The following CCT5 variants were observed in gnomAD, a reference collection of about 807,000 sequenced individuals.
CCT5 encodes the protein chaperonin containing TCP1 subunit 5, also known as T-complex protein 1 subunit epsilon.
CCT5 carries 6 observed loss-of-function variants against 55.0 expected under a neutral mutation model. The ratio of observed to expected loss-of-function variants is 0.11; its 90% CI spans 0.06 to 0.22. CCT5 has a LOEUF of 0.22. CCT5 is among the 10% of genes least tolerant of loss of function. The pLI is 1.00. For missense variants in CCT5, 560 were observed against 694.6 expected, an observed-to-expected ratio of 0.81 and a Z score of 2.18; for synonymous variants, 231 against 243.7, an observed-to-expected ratio of 0.95 and a Z score of 0.49.
intron 4 of CCT5, 130 bp from the exon 5 acceptor site, chr5:10,257,981 A>T: frequency 2.1e-6 from 2 of 948,106 alleles, no homozygotes; most frequent in Non-Finnish European, 1.7e-6. Context: ...GCAGGTTGAG[A>T]TGGCATTCCC....
At position 10,254,131 on chromosome 5, in the gene CCT5, G is replaced by A. The variant is rs1401457439; in HGVS notation, c.106-14G>A. Reference sequence around the variant, plus strand: ...ATATGTAACAGTGTTTGCTTTTTCTGTTTGTTTCATTAGTCTCATATAATG... The same window carrying A: ...ATATGTAACAGTGTTTGCTTTTTCTATTTGTTTCATTAGTCTCATATAATG... On this transcript the variant is annotated splice_polypyrimidine_tract_variant and intron_variant, in intron 1 of 10. Coordinates refer to ENST00000280326, the MANE Select transcript of CCT5 (RefSeq NM_012073.5). The A allele has an allele frequency of 6.3e-7, 1 of 1,587,278 alleles. No homozygotes were observed. Among genetic ancestry groups the A allele is most frequent in the East Asian group, 2.2e-5 (1 of 44,732 alleles).
intron 1 of CCT5, among the ~76,000 whole-genome samples, chr5:10,251,706 T>A (rs964945867): frequency 6.6e-6 from 1 of 152,232 alleles, no homozygotes; most frequent in Non-Finnish European, 1.5e-5. Flanking sequence ...TTAGAGGGGC[T>A]GCACAGTGGT....
rs929706121 is a variant in CCT5 at position 10,265,467 on chromosome 5, T to C, written c.*684T>C. On this transcript the variant is annotated 3_prime_UTR_variant, in exon 11 of 11. Transcript: ENST00000280326. ...TTGTTTCCCTATCAGAGGGACACAG[T>C]GAAGTGGAGGTTAAAGTAAATTACA... is the stretch of plus-strand genomic sequence containing the variant. 1 of 152,228 alleles carries C rather than the reference T, an allele frequency of 6.6e-6. No individual in the cohort carries two copies. The highest frequency in any genetic ancestry group is 1.5e-5 in the Non-Finnish European group (1 of 68,120). The allele number at this position is 152,228 out of a possible 1,614,324, so 9.4% of individuals were successfully genotyped here. A position where few individuals can be genotyped will look rare whatever the true frequency, so the allele number is the denominator to read the frequency against.
In CCT5 at chr5:10,265,775, T is replaced by C. The variant is rs1200024004; in HGVS notation, c.*992T>C. 2.0e-4 allele frequency: 3 copies of C among 14,892 alleles called. No individual in the cohort carries two copies. The Admixed American group carries it at 4.8e-3, about 24-fold the overall frequency. 0.9% of individuals were successfully genotyped at this position (14,892 alleles called of 1,614,324 possible). A position where few individuals can be genotyped will look rare whatever the true frequency, so the allele number is the denominator to read the frequency against. On this transcript the variant is annotated 3_prime_UTR_variant, in exon 11 of 11. Transcript: ENST00000280326. ...CAGAGTGGCCCAGCTCATCCCCTAC[T>C]CTGTTATTTGCTTGTTAATGATTCT... is the stretch of plus-strand genomic sequence containing the variant.
Position 10,265,774 on chromosome 5 carries a change from C to CTCTGT in CCT5, c.*993_*997dup, listed in dbSNP as rs112586209. 6.6e-6 allele frequency: 1 copy of CTCTGT among 151,326 alleles called. No homozygotes were observed. Among genetic ancestry groups the CTCTGT allele is most frequent in the East Asian group, 1.9e-4 (1 of 5,132 alleles). 9.4% of individuals were successfully genotyped at this position (151,326 alleles called of 1,614,324 possible). A position where few individuals can be genotyped will look rare whatever the true frequency, so the allele number is the denominator to read the frequency against. On this transcript the variant is annotated 3_prime_UTR_variant, in exon 11 of 11. Coordinates refer to ENST00000280326, the MANE Select transcript of CCT5 (RefSeq NM_012073.5). Reference sequence around the variant, plus strand: ...CCAGAGTGGCCCAGCTCATCCCCTACTCTGTTATTTGCTTGTTAATGATTC... The same window carrying CTCTGT: ...CCAGAGTGGCCCAGCTCATCCCCTACTCTGTTCTGTTATTTGCTTGTTAATGATTC...
At chr5:10,252,492 G>A (rs992875903) in intron 1 of CCT5, among the ~76,000 whole-genome samples, 7 of 152,006 alleles carry the variant, frequency 4.6e-5, no homozygotes, top group Non-Finnish European at 7.3e-5. Context: ...GCTCACGCCT[G>A]TAATCCCAGA....
intron 7 of CCT5, 84 bp from the exon 8 acceptor site, chr5:10,261,476 C>A: frequency 7.5e-7 from 1 of 1,331,398 alleles, no homozygotes; most frequent in Non-Finnish European, 1.1e-6. Context: ...GGTCTTAGAT[C>A]AAGTTTTGCT....
rs200809052 is a variant in CCT5 at position 10,250,329 on chromosome 5, G to A, written c.-12G>A. The A allele has an allele frequency of 2.9e-4, 460 of 1,613,886 alleles. 1 individual carries two copies. The highest frequency in any genetic ancestry group is 3.7e-4 in the Non-Finnish European group (432 of 1,180,038). The stretch of plus-strand genomic sequence containing the variant: ...CCGCCGGTTGGGGGGAAGTAATTCC[G>A]GTTGTTGCACCATGGCGTCCATGGG... On this transcript the variant is annotated 5_prime_UTR_variant, in exon 1 of 11. Coordinates refer to ENST00000280326, the MANE Select transcript of CCT5 (RefSeq NM_012073.5).
intron 1 of CCT5, 70 bp from the exon 2 acceptor site, chr5:10,254,075 C>A: frequency 3.0e-6 from 3 of 1,000,292 alleles, no homozygotes; most frequent in South Asian, 1.3e-5. Context: ...TTTTTGTAGT[C>A]ATCAGATGTG....
At chr5:10,255,765 T>C (rs1232729385) in intron 3 of CCT5, among the ~76,000 whole-genome samples, 190 bp from the exon 4 acceptor site, 1 of 152,244 alleles carries the variant, frequency 6.6e-6, no homozygotes, top group African/African-American at 2.4e-5. Flanking sequence ...GGGACACATG[T>C]CCTATTCGAC....
chr5:10,261,371 C>T (rs1374546057), intron 7 of CCT5, among the ~76,000 whole-genome samples, 189 bp from the exon 8 acceptor site: 1 of 152,166 alleles, frequency 6.6e-6, no homozygotes, highest in East Asian at 1.9e-4. Context: ...CCAATCAAGA[C>T]GTCCAGCTCA....
At chr5:10,256,277 C>G (rs1489640476) in intron 4 of CCT5, 124 bp downstream of exon 4, 1 of 865,762 alleles carries the variant, frequency 1.2e-6, no homozygotes, top group Non-Finnish European at 1.9e-6. Context: ...GTTTTGATTA[C>G]TTGGTTTTGC....
At chr5:10,257,224 G>A (rs1337036566) in intron 4 of CCT5, among the ~76,000 whole-genome samples, 7 of 152,196 alleles carry the variant, frequency 4.6e-5, no homozygotes, top group Non-Finnish European at 1.0e-4. Context: ...TAGAGCAGAA[G>A]CCTTCAGCAA....
At chr5:10,254,269 C>A in intron 2 of CCT5, 64 bp downstream of exon 2, 1 of 1,157,126 alleles carries the variant, frequency 8.6e-7, no homozygotes, top group Non-Finnish European at 1.3e-6. Flanking sequence ...TCAATATAAA[C>A]CTCTCTACAG....
intron 10 of CCT5, among the ~76,000 whole-genome samples, chr5:10,263,994 C>T (rs761703088): frequency 2.4e-4 from 36 of 152,132 alleles, no homozygotes; most frequent in Non-Finnish European, 4.4e-4. Flanking sequence ...TTTCTAGGGC[C>T]GGGCGCAGTG....
chr5:10,259,764 C>G (rs1357010771), intron 6 of CCT5, among the ~76,000 whole-genome samples: 1 of 152,328 alleles, frequency 6.6e-6, no homozygotes, highest in East Asian at 1.9e-4. Context: ...GGACAGTTTT[C>G]ATGAGAATGG....
intron 6 of CCT5, 105 bp downstream of exon 6, chr5:10,258,640 C>G: frequency 8.7e-7 from 1 of 1,152,298 alleles, no homozygotes; most frequent in South Asian, 1.3e-5. Flanking sequence ...CTAAAACATA[C>G]ACAGGAAAAA....
rs1182681974 is a variant in CCT5 at position 10,254,219 on chromosome 5, A to G, written c.166+14A>G. 10 of 1,551,604 alleles carry G rather than the reference A, an allele frequency of 6.4e-6. No individual in the cohort carries two copies. The highest frequency in any genetic ancestry group is 5.6e-5 in the South Asian group (5 of 89,810). On this transcript the variant is annotated intron_variant, in intron 2 of 10. Transcript: ENST00000280326. ...TTGGACCAAATGGTAAGAGTCCACC[A>G]TTCCGTGTTTTTTAGCAAAAGATTT...
Position 10,262,058 on chromosome 5 carries a change from G to C in CCT5, c.1179+313G>C, listed in dbSNP as rs1745990994. 5.2e-5 allele frequency: 21 copies of C among 403,482 alleles called. 1 individual carries two copies. Among genetic ancestry groups the C allele is most frequent in the South Asian group, 4.5e-4 (21 of 46,532 alleles). 25.0% of individuals were successfully genotyped at this position (403,482 alleles called of 1,614,324 possible). The stretch of plus-strand genomic sequence containing the variant: ...GAATGTTTGATACAGTTACATTAGG[G>C]GTTGGTTAAACTGCTAGCCCTAGCA... On this transcript the variant is annotated intron_variant, in intron 8 of 10. Transcript: ENST00000280326.
Sources: allele counts gnomAD v4.1 joint callset (sites outside exome capture counted in the v4.1 genomes callset), GRCh38; gene constraint gnomAD v4.1.1; transcripts MANE v1.5; gene names NCBI Gene and HGNC (gene_info 2026-07-23, HGNC 2026-07-21).